The following MTMR8 variants were observed in gnomAD, a reference collection of about 807,000 sequenced individuals.
The protein encoded by MTMR8 is myotubularin related protein 8.
A neutral mutation model predicts 39.3 loss-of-function variants in MTMR8; 65 were observed. That is an observed-to-expected ratio of 1.65 (90% CI 1.35 to 2.03). MTMR8 has a LOEUF of 2.03. Among genes scored for constraint, MTMR8 ranks in the 30% most tolerant of loss-of-function variants. MTMR8 has a pLI of 0.00. For missense variants in MTMR8, 777 were observed against 538.9 expected, an observed-to-expected ratio of 1.44 and a Z score of -4.37; for synonymous variants, 245 against 185.2, an observed-to-expected ratio of 1.32 and a Z score of -2.62.
At chrX:64,356,870 A>G (rs1923639837) in intron 2 of MTMR8, among the ~76,000 whole-genome samples, 1 of 111,300 alleles carries the variant, frequency 9.0e-6, no homozygotes, top group Admixed American at 9.6e-5. Context: ...CTCATCAGAT[A>G]TCATATAGCC....
intron 6 of MTMR8, among the ~76,000 whole-genome samples, chrX:64,347,186 G>A (rs1375219157): frequency 9.0e-6 from 1 of 110,606 alleles, no homozygotes; most frequent in East Asian, 2.9e-4. Flanking sequence ...GGGAATGCCA[G>A]ATATTTCTAG....
At chrX:64,385,588 G>A (rs1438361072) in intron 1 of MTMR8, among the ~76,000 whole-genome samples, 1 of 111,836 alleles carries the variant, frequency 8.9e-6, no homozygotes, top group Admixed American at 9.5e-5. Flanking sequence ...GGTGGTATCT[G>A]CACAGCTTCT....
In MTMR8 at chrX:64,337,319, T is replaced by G. The variant is rs755434468; in HGVS notation, c.1050A>C (p.Ser350=). 16 of 1,209,997 alleles carry G rather than the reference T, an allele frequency of 1.3e-5. No homozygotes were observed. The highest frequency in any genetic ancestry group is 1.2e-5 in the Non-Finnish European group (11 of 894,065). Residue 350 remains serine, a synonymous_variant, in exon 9 of 14, where the codon TCA becomes TCC. Transcript: ENST00000374852. ...DGWDRTAQVC[S]VASILLDPFY... The stretch of plus-strand genomic sequence containing the variant: ...ATGGATCTAGGAGGATGCTAGCCAC[T>G]GAGCAGACTTGTGCTGTGCGGTCCC...
chrX:64,294,983 A>C (rs1474056011), intron 12 of MTMR8, among the ~76,000 whole-genome samples: 1 of 111,111 alleles, frequency 9.0e-6, no homozygotes, highest in African/African-American at 3.3e-5. Flanking sequence ...CAGAAGGGTG[A>C]AGTATTCTCA....
intron 12 of MTMR8, among the ~76,000 whole-genome samples, chrX:64,320,798 C>T (rs778044367): frequency 1.8e-5 from 2 of 111,691 alleles, no homozygotes; most frequent in Admixed American, 9.5e-5. Flanking sequence ...CTGTGGCTTA[C>T]TTTTAAGCTC....
chrX:64,324,278 T>C (rs1377044376), intron 12 of MTMR8, among the ~76,000 whole-genome samples: 1 of 111,851 alleles, frequency 8.9e-6, no homozygotes, highest in African/African-American at 3.3e-5. Flanking sequence ...AGGAGGATCA[T>C]GTGAGCTCAG....
In MTMR8 at chrX:64,348,770, G is replaced by T; in HGVS notation, c.622C>A (p.Pro208Thr). 8.3e-7 allele frequency: 1 copy of T among 1,210,652 alleles called. No individual in the cohort carries two copies. Among genetic ancestry groups the T allele is most frequent in the Non-Finnish European group, 1.1e-6 (1 of 894,797 alleles). The change falls in exon 6 of 14, where the codon CCT becomes ACT. Residue 208 changes from proline to threonine, a missense_variant. Transcript: ENST00000374852. ...CAGCGAGTGTAAAATCCAGAGAGAGGCTGGCTACAGCGGCAAATGGCAGCC... is the reference window on the plus strand; with the variant it reads ...CAGCGAGTGTAAAATCCAGAGAGAGTCTGGCTACAGCGGCAAATGGCAGCC... ...NNAAICRCSQ[P>T]LSGFYTRCVD... is the part of the protein sequence containing the mutation.
chrX:64,288,954 A>G (rs1394905372), intron 12 of MTMR8, among the ~76,000 whole-genome samples: 2 of 110,435 alleles, frequency 1.8e-5, no homozygotes, highest in Middle Eastern at 4.7e-3. Flanking sequence ...CCAATATGCC[A>G]CATGTATACA....
intron 12 of MTMR8, chrX:64,306,250 G>A (rs1235810512): frequency 8.9e-6 from 3 of 338,452 alleles, no homozygotes; most frequent in Non-Finnish European, 1.8e-5. Context: ...TGAAGTGAAT[G>A]GAGGAGCCTC....
At chrX:64,327,205 C>T (rs1470797731) in intron 12 of MTMR8, among the ~76,000 whole-genome samples, 4 of 111,456 alleles carry the variant, frequency 3.6e-5, no homozygotes, top group East Asian at 5.6e-4. Flanking sequence ...AACTAAAAAG[C>T]TTCTGCTGCA....
chrX:64,321,483 A>T (rs1238216855), intron 12 of MTMR8, among the ~76,000 whole-genome samples: 1 of 112,201 alleles, frequency 8.9e-6, no homozygotes, highest in Non-Finnish European at 1.9e-5. Flanking sequence ...TTCAGCAGGT[A>T]AAAGAATGAA....
At chrX:64,270,346 C>T (rs754151979) in intron 13 of MTMR8, among the ~76,000 whole-genome samples, 1 of 112,287 alleles carries the variant, frequency 8.9e-6, no homozygotes, top group African/African-American at 3.2e-5. Context: ...AAATAGCACA[C>T]CATTTCCAAT....
At chrX:64,360,409 C>CAAAAAAAAAAAAAAAAA (rs1923749062) in intron 1 of MTMR8, 1 of 257,772 alleles carries the variant, frequency 3.9e-6, no homozygotes. Flanking sequence ...AAAAAAAAAT[C>CAAAAAAAAAAAAAAAAA]AAATGAAGAT....
chrX:64,339,103 C>T (rs1487496864), intron 8 of MTMR8, among the ~76,000 whole-genome samples: 1 of 110,864 alleles, frequency 9.0e-6, no homozygotes, highest in Non-Finnish European at 1.9e-5. Context: ...AGATCTGAAC[C>T]AGAGTATAGA....
Position 64,291,033 on chromosome X carries a change from G to C in MTMR8, c.1482-19960C>G, listed in dbSNP as rs183694910. The stretch of plus-strand genomic sequence containing the variant: ...TGGCATTTGCATATTCAATTTTTTA[G>C]AAAACTGACAAACTGTTTTTCAAAG... On this transcript the variant is annotated intron_variant, in intron 12 of 13. Transcript: ENST00000374852. 9.9e-5 allele frequency among the ~76,000 whole-genome samples: 11 copies of C among 111,246 alleles called. No homozygotes were observed. The East Asian group carries it at 3.1e-3, about 31-fold the overall frequency.
chrX:64,328,587 G>T (rs1348613798), intron 12 of MTMR8, among the ~76,000 whole-genome samples, 185 bp downstream of exon 12: 1 of 111,430 alleles, frequency 9.0e-6, no homozygotes, highest in Non-Finnish European at 1.9e-5. Flanking sequence ...TAACAGCAAA[G>T]CCCTGAAAAC....
At chrX:64,316,739 A>G (rs1415756183) in intron 12 of MTMR8, among the ~76,000 whole-genome samples, 2 of 111,258 alleles carry the variant, frequency 1.8e-5, no homozygotes, top group East Asian at 5.6e-4. Context: ...GGCTTCCATG[A>G]TTTCTGATGA....
chrX:64,312,125 C>T (rs926846096), intron 12 of MTMR8, among the ~76,000 whole-genome samples: 3 of 111,479 alleles, frequency 2.7e-5, no homozygotes, highest in African/African-American at 9.8e-5. Flanking sequence ...ATTGATTCTT[C>T]CTACCCATGA....
At chrX:64,371,453 C>T (rs781580948) in intron 1 of MTMR8, among the ~76,000 whole-genome samples, 1 of 111,804 alleles carries the variant, frequency 8.9e-6, no homozygotes, top group Non-Finnish European at 1.9e-5. Context: ...GTGCTGATTG[C>T]AATGCTATAT....
Sources: allele counts gnomAD v4.1 joint callset (sites outside exome capture counted in the v4.1 genomes callset), GRCh38; gene constraint gnomAD v4.1.1; transcripts MANE v1.5; gene names NCBI Gene and HGNC (gene_info 2026-07-23, HGNC 2026-07-21).